The following ERCC5 variants were observed in gnomAD, a reference collection of about 807,000 sequenced individuals.
ERCC5 encodes the protein DNA excision repair protein ERCC-5.
A neutral mutation model predicts 105.6 loss-of-function variants in ERCC5; 68 were observed. The observed-to-expected ratio is 0.64, with a 90% CI of 0.53 to 0.79. The LOEUF is 0.79. ERCC5 is among the 30% of genes least tolerant of loss of function. ERCC5 has a pLI of 0.00. For missense variants in ERCC5, 1,373 were observed against 1,426.7 expected, an observed-to-expected ratio of 0.96 and a Z score of 0.61; for synonymous variants, 546 against 526.2, an observed-to-expected ratio of 1.04 and a Z score of -0.51.
chr13:102,857,490 G>A (rs1327463185), intron 5 of ERCC5, among the ~76,000 whole-genome samples: 4 of 152,148 alleles, frequency 2.6e-5, no homozygotes, highest in Non-Finnish European at 5.9e-5. Flanking sequence ...TGGTTGGTAC[G>A]TACACATGTA....
chr13:102,868,036 T>C (rs974034580), intron 11 of ERCC5, 77 bp from the exon 12 acceptor site: 1 of 1,409,970 alleles, frequency 7.1e-7, no homozygotes, highest in South Asian at 1.2e-5. Context: ...CACACGTACA[T>C]GATTTATATA....
At position 102,862,374 on chromosome 13, in the gene ERCC5, G is replaced by C; in HGVS notation, c.1225G>C (p.Val409Leu). Residue 409 changes from valine (V) to leucine (L), a missense_variant, in exon 8 of 15, where the codon GTG becomes CTG. Transcript: ENST00000652225. ...TGTAAAAGTGTGTGCTGGGGATGAT[G>C]TGCAGACGGGAGGGCCAGGAGCAGA... is the stretch of plus-strand genomic sequence containing the variant. ...EDVKVCAGDD[V>L]QTGGPGAEEM... 6.2e-7 allele frequency: 1 copy of C among 1,614,184 alleles called. No homozygotes were observed. Among genetic ancestry groups the C allele is most frequent in the Non-Finnish European group, 8.5e-7 (1 of 1,180,044 alleles).
intron 8 of ERCC5, among the ~76,000 whole-genome samples, chr13:102,864,503 C>G (rs1457453083): frequency 6.6e-6 from 1 of 152,194 alleles, no homozygotes; most frequent in Non-Finnish European, 1.5e-5. Flanking sequence ...TAATCCAATA[C>G]TGTCATAATT....
intron 12 of ERCC5, 46 bp from the exon 13 acceptor site, chr13:102,872,152 A>G (rs780100485): frequency 5.6e-6 from 9 of 1,596,584 alleles, no homozygotes; most frequent in Admixed American, 1.7e-5. Flanking sequence ...TGTATGAACT[A>G]TAATGTCTCA....
Position 102,853,799 on chromosome 13 carries a change from A to G in ERCC5, c.307A>G (p.Arg103Gly). 2.5e-6 allele frequency: 4 copies of G among 1,614,232 alleles called. No individual in the cohort carries two copies. Among genetic ancestry groups the G allele is most frequent in the South Asian group, 1.1e-5 (1 of 91,080 alleles). ...AAAGGACTTAGCGTCCAGTGACTCC[A>G]GGAAAACGACAGAGAAGCTTCTGAA... The part of the protein sequence containing the change: ...QRKDLASSDS[R>G]KTTEKLLKTF... The change falls in exon 3 of 15, where the codon AGG (arginine) becomes GGG (glycine). Residue 103 changes from arginine to glycine, a missense_variant. By Grantham distance (125) the Arg-to-Gly change is moderately radical (BLOSUM62 -2). Coordinates refer to ENST00000652225, the MANE Select transcript of ERCC5 (RefSeq NM_000123.4).
chr13:102,848,507 AT>A (rs1882068720), intron 1 of ERCC5, among the ~76,000 whole-genome samples: 1 of 152,228 alleles, frequency 6.6e-6, no homozygotes, highest in Non-Finnish European at 1.5e-5. Context: ...GTTTAAGTGT[AT>A]TAGCAAGATA....
At chr13:102,856,483 T>G (rs1882425418) in intron 5 of ERCC5, among the ~76,000 whole-genome samples, 1 of 152,240 alleles carries the variant, frequency 6.6e-6, no homozygotes, top group Non-Finnish European at 1.5e-5. Flanking sequence ...CTGCCCCATA[T>G]AGTTGAATAT....
Position 102,868,268 on chromosome 13 carries a change from T to G in ERCC5, c.2678+11T>G, listed in dbSNP as rs766974353. 1 of 1,614,200 alleles carries G rather than the reference T, an allele frequency of 6.2e-7. No individual in the cohort carries two copies. The highest frequency in any genetic ancestry group is 8.5e-7 in the Non-Finnish European group (1 of 1,180,008). On this transcript the variant is annotated intron_variant, in intron 12 of 14. Transcript: ENST00000652225. ...TCTCCTAAAATTCTCGTAAGGTCTT[T>G]TATTTCTTTAATTTGGATAATTGTG...
chr13:102,859,940 A>C (rs1198275752), intron 6 of ERCC5, among the ~76,000 whole-genome samples: 3 of 152,226 alleles, frequency 2.0e-5, no homozygotes, highest in Non-Finnish European at 2.9e-5. Flanking sequence ...CATAAGTTTT[A>C]AGTTGCACAC....
chr13:102,860,966 A>G (rs1882595330), intron 6 of ERCC5, among the ~76,000 whole-genome samples: 1 of 151,000 alleles, frequency 6.6e-6, no homozygotes, highest in Admixed American at 6.7e-5. Context: ...ATAATGATTA[A>G]ATCATAAACA....
intron 5 of ERCC5, among the ~76,000 whole-genome samples, 185 bp downstream of exon 5, chr13:102,856,297 GTA>G (rs5806327): frequency 2.0e-5 from 3 of 150,168 alleles, no homozygotes; most frequent in Admixed American, 6.6e-5. Flanking sequence ...CTACACACGT[GTA>G]TATATATATA....
Position 102,862,201 on chromosome 13 carries a change from C to G in ERCC5, c.1052C>G (p.Ala351Gly), listed in dbSNP as rs750040181. The change falls in exon 8 of 15, where the codon GCC becomes GGC. Residue 351 changes from alanine (A) to glycine (G), a missense_variant. By Grantham distance (60) the Ala-to-Gly change is moderately conservative. Around this residue, in one of 3 missense-constraint regions of ERCC5, gnomAD observed 1,004 missense variants for 1,059.7 expected, o/e 0.95. Transcript: ENST00000652225. ...AGAACTTTACTAGCTATGCAAGCTGCCCTGCTGGGAAGTAGCTCAGAAGAG... is the reference window on the plus strand; with the variant it reads ...AGAACTTTACTAGCTATGCAAGCTGGCCTGCTGGGAAGTAGCTCAGAAGAG... Reference protein sequence around the residue: ...SPRTLLAMQAALLGSSSEEEL... With the variant: ...SPRTLLAMQAGLLGSSSEEEL... The G allele has an allele frequency of 6.2e-7, 1 of 1,614,136 alleles. No individual in the cohort carries two copies. The highest frequency in any genetic ancestry group is 2.2e-5 in the East Asian group (1 of 44,874).
rs4150339 is a variant in ERCC5, at chr13:102,867,901, T to C, written c.2534-212T>C. Among the ~76,000 whole-genome samples, 5,243 of 152,242 alleles carry C rather than the reference T, an allele frequency of 0.034. 156 individuals are homozygous for C. The highest frequency in any genetic ancestry group is 0.084 in the East Asian group (437 of 5,184). ...ATAGCTAACTTTGGGGGTCAGCGTA[T>C]AGAGGGTATTTAAAGCTATGAGAAT... On this transcript the variant is annotated intron_variant, in intron 11 of 14. Transcript: ENST00000652225.
intron 5 of ERCC5, 63 bp from the exon 6 acceptor site, chr13:102,858,212 A>T: frequency 6.2e-7 from 1 of 1,603,676 alleles, no homozygotes; most frequent in Non-Finnish European, 8.5e-7. Flanking sequence ...CATATCCTTA[A>T]TGTTGAATAG....
Position 102,846,191 on chromosome 13 carries a change from T to C in ERCC5, c.-76T>C. On this transcript the variant is annotated 5_prime_UTR_variant, in exon 1 of 15. Transcript: ENST00000652225. ...CAGGGAGGGCTTCCTCCCGGGGTCCTAGGCGGCGGTGCAGTCCGTCGTAGA... is the reference window on the plus strand; with the variant it reads ...CAGGGAGGGCTTCCTCCCGGGGTCCCAGGCGGCGGTGCAGTCCGTCGTAGA... 2 of 1,284,452 alleles carry C rather than the reference T, an allele frequency of 1.6e-6. No individual in the cohort carries two copies. The highest frequency in any genetic ancestry group is 5.0e-5 in the East Asian group (2 of 40,114). 79.6% of individuals were successfully genotyped at this position (1,284,452 alleles called of 1,614,324 possible). A position where few individuals can be genotyped will look rare whatever the true frequency, so the allele number is the denominator to read the frequency against.
At chr13:102,852,728 T>C (rs1052306377) in intron 2 of ERCC5, among the ~76,000 whole-genome samples, 1 of 152,186 alleles carries the variant, frequency 6.6e-6, no homozygotes, top group African/African-American at 2.4e-5. Flanking sequence ...TAAGCAATGT[T>C]ATGTGGTGCC....
chr13:102,850,533 C>T (rs1882164246), intron 1 of ERCC5, among the ~76,000 whole-genome samples: 1 of 151,818 alleles, frequency 6.6e-6, no homozygotes, highest in African/African-American at 2.4e-5. Flanking sequence ...GGGTTTTCAC[C>T]AAAGATACGT....
In ERCC5 at chr13:102,858,272, C is replaced by T. The variant is rs372122917; in HGVS notation, c.529-3C>T. The stretch of plus-strand genomic sequence containing the variant: ...TCATGGTGCTGTGATTTTATCTTTA[C>T]AGGAAGAGTTCTTTCATAATCCTCA... On this transcript the variant is annotated splice_polypyrimidine_tract_variant and splice_region_variant and intron_variant, in intron 5 of 14. Transcript: ENST00000652225. 8.1e-5 allele frequency: 130 copies of T among 1,614,060 alleles called. No homozygotes were observed. The highest frequency in any genetic ancestry group is 1.6e-4 in the Middle Eastern group (1 of 6,062).
At chr13:102,852,055 A>C (rs1366709050) in intron 1 of ERCC5, 63 bp from the exon 2 acceptor site, 7 of 1,565,742 alleles carry the variant, frequency 4.5e-6, no homozygotes, top group Non-Finnish European at 6.1e-6. Context: ...AGTTATTAGG[A>C]AATTGAAGTT....
Sources: gnomAD v4.1 joint callset for allele counts (sites outside exome capture counted in the v4.1 genomes callset) on GRCh38, gnomAD v4.1.1 for gene constraint, gnomAD v4.1.1 regional missense constraint, MANE v1.5 for transcripts, NCBI Gene and HGNC (gene_info 2026-07-23, HGNC 2026-07-21) for gene names.